FEZ2: variants seen among roughly 807,000 people sequenced by gnomAD.
The protein encoded by FEZ2 is fasciculation and elongation protein zeta 2.
A neutral mutation model predicts 40.4 loss-of-function variants in FEZ2; 51 were observed. The observed-to-expected ratio is 1.26, with a 90% confidence interval of 1.01 to 1.59. FEZ2 has a LOEUF of 1.59. FEZ2 is among the 40% of genes most tolerant of loss of function. The pLI is 0.00. For missense variants in FEZ2, 640 were observed against 438.3 expected (o/e 1.46, Z -4.11); for synonymous variants, 242 against 172.0 (o/e 1.41, Z -3.18).
chr2:36,555,210 G>A (rs898846689), intron 7 of FEZ2: 14 of 152,312 alleles, frequency 9.2e-5, no homozygotes, highest in African/African-American at 2.7e-4. Context: ...TTATTTCCCC[G>A]CTTCCCTCCC....
intron 5 of FEZ2, 28 bp downstream of exon 5, chr2:36,578,569 T>A (rs1270381079): frequency 6.3e-7 from 1 of 1,594,370 alleles, no homozygotes; most frequent in African/African-American, 1.4e-5. Flanking sequence ...TTTCCAGTGT[T>A]CGACGCCTCC....
chr2:36,572,205 G>A (rs1451742324), intron 5 of FEZ2, among the ~76,000 whole-genome samples: 3 of 151,986 alleles, frequency 2.0e-5, no homozygotes, highest in African/African-American at 4.8e-5. Flanking sequence ...CCTAGCCACC[G>A]GGATTCAGAC....
At chr2:36,559,450 T>C (rs1668035811) in intron 5 of FEZ2, among the ~76,000 whole-genome samples, 1 of 152,186 alleles carries the variant, frequency 6.6e-6, no homozygotes, top group Non-Finnish European at 1.5e-5. Context: ...CCTCACTGAG[T>C]GATCTTATCC....
At chr2:36,569,974 T>G (rs1668361851) in intron 5 of FEZ2, among the ~76,000 whole-genome samples, 2 of 152,224 alleles carry the variant, frequency 1.3e-5, no homozygotes. Flanking sequence ...ACATAATTAT[T>G]GTTCCTGATA....
Position 36,581,438 on chromosome 2 carries a change from A to G in FEZ2, c.493-7T>C. 1.2e-6 allele frequency: 2 copies of G among 1,612,374 alleles called. No homozygotes were observed. The highest frequency in any genetic ancestry group is 2.2e-5 in the East Asian group (1 of 44,870). On this transcript the variant is annotated splice_region_variant and splice_polypyrimidine_tract_variant and intron_variant, in intron 3 of 7. Transcript: ENST00000405912. ...CTTCAATTTCTTCAATAACCTTCGA[A>G]AACACACACACCACTGTTAATCAAA...
intron 1 of FEZ2, among the ~76,000 whole-genome samples, chr2:36,593,802 G>A (rs761426530): frequency 1.3e-5 from 2 of 151,592 alleles, no homozygotes; most frequent in African/African-American, 2.4e-5. Context: ...TGCTACTTAC[G>A]CAAATTTCTG....
At position 36,578,713 on chromosome 2, in the gene FEZ2, G is replaced by GTGC; in HGVS notation, c.786_787insGCA (p.Val262_Leu263insAla). ...TTCTGTTTGTTTTGCACTTCAATAA[G>GTGC]AACAGAAATAAAGCTGTTTTTCACT... is the stretch of plus-strand genomic sequence containing the variant. On this transcript the variant is annotated inframe_insertion, in exon 5 of 8. Transcript: ENST00000405912. 6.2e-7 allele frequency: 1 copy of GTGC among 1,613,730 alleles called. No individual in the cohort carries two copies. The highest frequency in any genetic ancestry group is 8.5e-7 in the Non-Finnish European group (1 of 1,179,838).
In FEZ2 at chr2:36,597,989, A is replaced by C. The variant is rs571109001; in HGVS notation, c.154T>G (p.Cys52Gly). 6 of 1,494,664 alleles carry C rather than the reference A, an allele frequency of 4.0e-6. No homozygotes were observed. Among genetic ancestry groups the C allele is most frequent in the African/African-American group, 1.5e-5 (1 of 68,834 alleles). 92.6% of individuals were successfully genotyped at this position (1,494,664 alleles called of 1,614,324 possible). ...AGGCTCAGCTTCTCCTCCAAGCTGCAGGCCGGGGCCGGGAAACCGTCGGCG... is the reference window on the plus strand; with the variant it reads ...AGGCTCAGCTTCTCCTCCAAGCTGCCGGCCGGGGCCGGGAAACCGTCGGCG... Reference protein sequence around the residue: ...GGADGFPAPACSLEEKLSLCF... With the variant: ...GGADGFPAPAGSLEEKLSLCF... The change falls in exon 1 of 8, where the codon TGC becomes GGC. Residue 52 changes from cysteine (C) to glycine (G), a missense_variant. By Grantham distance (159) the Cys-to-Gly change is radical. Transcript: ENST00000405912.
chr2:36,565,566 G>A (rs1467940351), intron 5 of FEZ2, among the ~76,000 whole-genome samples: 1 of 152,042 alleles, frequency 6.6e-6, no homozygotes, highest in Non-Finnish European at 1.5e-5. Flanking sequence ...TGCTGTCTGT[G>A]CCTGTTCCCT....
rs529914815 is a variant in FEZ2, at chr2:36,574,472, GGCATGAAAACAAAAAATT to G, written c.903+4107_903+4124del. On this transcript the variant is annotated intron_variant, in intron 5 of 7. Coordinates refer to ENST00000405912, the MANE Select transcript of FEZ2 (RefSeq NM_005102.3). Reference sequence around the variant, plus strand: ...TCATTAGGGACATAAAACAGAGATAGGCATGAAAACAAAAAATTGCAGTATGATACAACAGTGATAATA... The same window carrying G: ...TCATTAGGGACATAAAACAGAGATAGGCAGTATGATACAACAGTGATAATA... Among the ~76,000 whole-genome samples, 366 of 151,778 alleles carry G rather than the reference GGCATGAAAACAAAAAATT, an allele frequency of 2.4e-3. 4 individuals carry two copies. Among genetic ancestry groups the G allele is most frequent in the African/African-American group, 8.5e-3 (351 of 41,364 alleles).
intron 5 of FEZ2, among the ~76,000 whole-genome samples, chr2:36,565,812 T>A (rs1668220088): frequency 6.6e-6 from 1 of 152,108 alleles, no homozygotes; most frequent in Admixed American, 6.5e-5. Context: ...GTCAGTGTAG[T>A]GGGGTGGGAT....
intron 5 of FEZ2, among the ~76,000 whole-genome samples, chr2:36,560,252 T>C (rs1254619042): frequency 6.6e-6 from 1 of 152,246 alleles, no homozygotes; most frequent in African/African-American, 2.4e-5. Context: ...TAATGTCGCA[T>C]GCCTCGTTTG....
intron 1 of FEZ2, among the ~76,000 whole-genome samples, chr2:36,593,842 G>C (rs964215632): frequency 7.0e-6 from 1 of 142,156 alleles, no homozygotes; most frequent in African/African-American, 2.8e-5. Flanking sequence ...CCCAGAAAAT[G>C]GGTTTTTTTT....
At chr2:36,577,891 G>A (rs1284327232) in intron 5 of FEZ2, among the ~76,000 whole-genome samples, 1 of 152,180 alleles carries the variant, frequency 6.6e-6, no homozygotes, top group Non-Finnish European at 1.5e-5. Context: ...TAGAAAAAGA[G>A]ATCCCTTTAC....
rs1248991223 is a variant in FEZ2 at position 36,552,908 on chromosome 2, C to T, written c.*255G>A. ...AACTGCACATGCACAATTAATATTA[C>T]TCTCTCTTAATCTACTAAGAGAACA... On this transcript the variant is annotated 3_prime_UTR_variant, in exon 8 of 8. Coordinates refer to ENST00000405912, the MANE Select transcript of FEZ2 (RefSeq NM_005102.3). 1 of 449,638 alleles carries T rather than the reference C, an allele frequency of 2.2e-6. No individual in the cohort carries two copies. The allele number at this position is 449,638 out of a possible 1,614,324, so 27.9% of individuals were successfully genotyped here.
At chr2:36,575,366 T>C (rs1439400003) in intron 5 of FEZ2, among the ~76,000 whole-genome samples, 2 of 152,118 alleles carry the variant, frequency 1.3e-5, no homozygotes, top group South Asian at 4.1e-4. Context: ...ATAATTTTTA[T>C]TTTGTAAAGA....
At chr2:36,576,185 T>C (rs547580248) in intron 5 of FEZ2, among the ~76,000 whole-genome samples, 16 of 152,308 alleles carry the variant, frequency 1.1e-4, no homozygotes, top group African/African-American at 3.8e-4. Flanking sequence ...TGGGTTTCTT[T>C]TGAGCAACCT....
At chr2:36,583,687 G>A (rs1668822488) in intron 2 of FEZ2, among the ~76,000 whole-genome samples, 1 of 152,166 alleles carries the variant, frequency 6.6e-6, no homozygotes, top group Non-Finnish European at 1.5e-5. Context: ...CTGAGATGCT[G>A]CATAAGACTG....
chr2:36,561,004 C>T, intron 5 of FEZ2: 1 of 503,126 alleles, frequency 2.0e-6, no homozygotes, highest in Non-Finnish European at 3.5e-6. Flanking sequence ...AGATAAAGCA[C>T]ATAAACCCAT....
Sources: gnomAD v4.1 joint callset for allele counts (sites outside exome capture counted in the v4.1 genomes callset) on GRCh38, gnomAD v4.1.1 for gene constraint, MANE v1.5 for transcripts, NCBI Gene and HGNC (gene_info 2026-07-23, HGNC 2026-07-21) for gene names.